The following ZMYND12 variants were observed in gnomAD, a reference collection of about 807,000 sequenced individuals.
ZMYND12 encodes zinc finger MYND domain-containing protein 12.
Under a neutral mutation model 41.7 loss-of-function variants are expected in ZMYND12, and 32 were observed. The observed-to-expected ratio is 0.77, with a 90% CI of 0.58 to 1.03. ZMYND12 has a LOEUF of 1.03. Ranked by LOEUF, ZMYND12 falls within the 50% of genes least tolerant of loss-of-function variation. The pLI is 0.00. For missense variants in ZMYND12, 424 were observed against 438.5 expected, an observed-to-expected ratio of 0.97 and a Z score of 0.30; for synonymous variants, 148 against 164.8, an observed-to-expected ratio of 0.90 and a Z score of 0.78.
intron 1 of ZMYND12, among the ~76,000 whole-genome samples, chr1:42,453,973 A>T (rs746477435): frequency 1.8e-4 from 27 of 152,236 alleles, no homozygotes; most frequent in Non-Finnish European, 3.8e-4. Flanking sequence ...AAAAGCAAAG[A>T]AAAATGGTAC....
At chr1:42,447,744 A>C (rs947377294) in intron 3 of ZMYND12, among the ~76,000 whole-genome samples, 34 of 152,210 alleles carry the variant, frequency 2.2e-4, no homozygotes, top group South Asian at 8.3e-4. Context: ...TACTTTTAAA[A>C]AAGTATTTTT....
chr1:42,440,989 A>G (rs915332), intron 3 of ZMYND12, among the ~76,000 whole-genome samples: 27,723 of 152,132 alleles, frequency 0.18, 2,759 homozygotes, highest in African/African-American at 0.25. Flanking sequence ...TTAAAAGGGT[A>G]AATTTTATGA....
chr1:42,437,319 G>T (rs1023366018), intron 4 of ZMYND12, among the ~76,000 whole-genome samples: 1 of 152,048 alleles, frequency 6.6e-6, no homozygotes, highest in African/African-American at 2.4e-5. Context: ...ATCTCTTTGG[G>T]GTAATGGAAA....
chr1:42,439,846 G>C lies in ZMYND12; in HGVS notation c.594+10C>G. 1 of 1,600,148 alleles carries C rather than the reference G, an allele frequency of 6.2e-7. No individual in the cohort carries two copies. The highest frequency in any genetic ancestry group is 8.5e-7 in the Non-Finnish European group (1 of 1,175,038). On this transcript the variant is annotated intron_variant, in intron 4 of 7. Transcript: ENST00000372565. Reference sequence around the variant, plus strand: ...GGAAATATACAGGTGTTATAACTTAGCTTGTTTACATCATTGGCCAGATGA... The same window carrying C: ...GGAAATATACAGGTGTTATAACTTACCTTGTTTACATCATTGGCCAGATGA...
At position 42,430,848 on chromosome 1, in the gene ZMYND12, T is replaced by C. The variant is rs780668549; in HGVS notation, c.986A>G (p.Tyr329Cys). 6.2e-7 allele frequency: 1 copy of C among 1,614,172 alleles called. No homozygotes were observed. The highest frequency in any genetic ancestry group is 8.5e-7 in the Non-Finnish European group (1 of 1,180,008). Residue 329 changes from tyrosine to cysteine, a missense_variant, in exon 8 of 8, where the codon TAT (tyrosine) becomes TGT (cysteine). Coordinates refer to ENST00000372565, the MANE Select transcript of ZMYND12 (RefSeq NM_032257.5). ...LMMNSSKAQE[Y>C]GMRALSLAKE... is the part of the protein sequence containing the mutation. ...GGCTAGACTGAGGGCCCTCATGCCA[T>C]ATTCCTGTGCCTGAAATAGAATTGC... is the stretch of plus-strand genomic sequence containing the variant.
chr1:42,433,674 A>G (rs1397454594), intron 6 of ZMYND12, among the ~76,000 whole-genome samples: 4 of 152,184 alleles, frequency 2.6e-5, no homozygotes, highest in Non-Finnish European at 4.4e-5. Context: ...ATTCCACTCT[A>G]CAGCTGAGAG....
rs1381845593 is a variant in ZMYND12 at position 42,433,206 on chromosome 1, T to C, written c.912A>G (p.Gln304=). The C allele has an allele frequency of 1.2e-6, 2 of 1,612,798 alleles. No individual in the cohort carries two copies. The highest frequency in any genetic ancestry group is 1.7e-6 in the Non-Finnish European group (2 of 1,179,554). The change falls in exon 7 of 8, where the codon CAA becomes CAG. Residue 304 remains glutamine (Q), a synonymous_variant. Coordinates refer to ENST00000372565, the MANE Select transcript of ZMYND12 (RefSeq NM_032257.5). ...IRESTSDKAP[Q]KTIFVLKILV... ...GGATCTTCAGAACAAAGATGGTTTT[T>C]TGGGGGGCTTTGTCAGATGTAGATT...
chr1:42,443,534 A>C lies in ZMYND12; in HGVS notation c.425-3509T>G, dbSNP rs1642991393. Among the ~76,000 whole-genome samples the C allele has an allele frequency of 2.0e-5, 3 of 152,200 alleles. 1 individual carries two copies. The South Asian group carries it at 6.2e-4, about 32-fold the overall frequency. ...GAAGATTTTGCAGGACTTGGTGATG[A>C]AAGTGAAGGAATGCAGCATACAGCA... On this transcript the variant is annotated intron_variant, in intron 3 of 7. Coordinates refer to ENST00000372565, the MANE Select transcript of ZMYND12 (RefSeq NM_032257.5).
At chr1:42,431,408 T>G (rs1013788351) in intron 7 of ZMYND12, among the ~76,000 whole-genome samples, 6 of 151,982 alleles carry the variant, frequency 3.9e-5, no homozygotes, top group African/African-American at 1.4e-4. Context: ...AGAAGACAAA[T>G]AAGTAAAACA....
intron 4 of ZMYND12, 91 bp from the exon 5 acceptor site, chr1:42,436,634 C>T (rs1230796512): frequency 6.9e-7 from 1 of 1,446,488 alleles, no homozygotes. Flanking sequence ...ATACAAAAAA[C>T]TGTTACAACA....
intron 6 of ZMYND12, 128 bp from the exon 7 acceptor site, chr1:42,433,416 C>A: frequency 2.8e-6 from 3 of 1,087,172 alleles, no homozygotes; most frequent in Non-Finnish European, 3.8e-6. Context: ...GAAATAGCAC[C>A]AATTACAGCA....
chr1:42,440,150 T>A, intron 3 of ZMYND12, 125 bp from the exon 4 acceptor site: 1 of 1,026,598 alleles, frequency 9.7e-7, no homozygotes, highest in Non-Finnish European at 1.3e-6. Context: ...ACAGAAAAAC[T>A]CATACAGGAA....
Position 42,440,044 on chromosome 1 carries a change from G to A in ZMYND12, c.425-19C>T, listed in dbSNP as rs752851415. 5 of 1,583,556 alleles carry A rather than the reference G, an allele frequency of 3.2e-6. No homozygotes were observed. The African/African-American group carries it at 5.5e-5, about 17-fold the overall frequency. ...CCCAGACCTGCCCAAAAGCAGAAAA[G>A]AAGGTTATAATTCATATCCAGGCCA... On this transcript the variant is annotated intron_variant, in intron 3 of 7. Coordinates refer to ENST00000372565, the MANE Select transcript of ZMYND12 (RefSeq NM_032257.5).
At chr1:42,454,553 T>C (rs976779319) in intron 1 of ZMYND12, among the ~76,000 whole-genome samples, 2 of 152,164 alleles carry the variant, frequency 1.3e-5, no homozygotes, top group African/African-American at 4.8e-5. Flanking sequence ...GCCCATCCTC[T>C]TTCCTTAACA....
At chr1:42,431,701 G>A (rs1304442921) in intron 7 of ZMYND12, among the ~76,000 whole-genome samples, 4 of 152,154 alleles carry the variant, frequency 2.6e-5, no homozygotes, top group African/African-American at 4.8e-5. Context: ...ACATTGCACC[G>A]TAGAAATGAG....
chr1:42,435,590 T>C (rs554188665), intron 5 of ZMYND12: 2 of 494,554 alleles, frequency 4.0e-6, no homozygotes, highest in Non-Finnish European at 7.3e-6. Context: ...GAAAAGGGCC[T>C]GTGGCAGCTC....
chr1:42,439,458 G>C lies in ZMYND12; in HGVS notation c.594+398C>G, dbSNP rs538472800. 1.8e-4 allele frequency among the ~76,000 whole-genome samples: 28 copies of C among 152,218 alleles called. No homozygotes were observed. The South Asian group carries it at 3.7e-3, about 20-fold the overall frequency. ...TTTTTTGTATTTTAGTAGGGACGGG[G>C]TTTCACCATGTTGGCCAGGACGGTC... On this transcript the variant is annotated intron_variant, in intron 4 of 7. Coordinates refer to ENST00000372565, the MANE Select transcript of ZMYND12 (RefSeq NM_032257.5).
chr1:42,435,221 G>T, intron 6 of ZMYND12, 53 bp downstream of exon 6: 2 of 1,351,288 alleles, frequency 1.5e-6, no homozygotes, highest in Non-Finnish European at 2.1e-6. Context: ...CAAGGTCTGT[G>T]TATTGGGTGA....
intron 5 of ZMYND12, chr1:42,435,620 G>C: frequency 2.3e-6 from 1 of 431,154 alleles, no homozygotes; most frequent in Admixed American, 3.7e-5. Flanking sequence ...TAGCCCTAGT[G>C]GGGTCTAATA....
Sources: gnomAD v4.1 joint callset for allele counts (sites outside exome capture counted in the v4.1 genomes callset) on GRCh38, gnomAD v4.1.1 for gene constraint, MANE v1.5 for transcripts, NCBI Gene and HGNC (gene_info 2026-07-23, HGNC 2026-07-21) for gene names.